The following SSBP3 variants were observed in gnomAD, a reference collection of about 807,000 sequenced individuals.
The protein encoded by SSBP3 is single-stranded DNA-binding protein 3.
A neutral mutation model predicts 69.6 loss-of-function variants in SSBP3; 5 were observed. The observed-to-expected ratio is 0.07, with a 90% confidence interval of 0.04 to 0.15. The LOEUF (loss-of-function observed/expected upper bound fraction) is 0.15. SSBP3 is among the 10% of genes least tolerant of loss of function. The pLI is 1.00. For missense variants in SSBP3, 312 were observed against 534.0 expected (o/e 0.58, Z 4.10); for synonymous variants, 196 against 193.4 (o/e 1.01, Z -0.11).
At chr1:54,402,296 G>C in intron 3 of SSBP3, among the ~76,000 whole-genome samples, 1 of 152,132 alleles carries the variant, frequency 6.6e-6, no homozygotes, top group East Asian at 1.9e-4. Context: ...CCTACTCATG[G>C]ATGCCCTAGG....
chr1:54,273,715 CAA>C (rs1645235417), intron 5 of SSBP3, among the ~76,000 whole-genome samples: 1 of 152,204 alleles, frequency 6.6e-6, no homozygotes, highest in African/African-American at 2.4e-5. Context: ...AAGCTAAGGC[CAA>C]GAGAGAGAAG....
At chr1:54,327,255 A>AGGAG (rs1646325171) in intron 4 of SSBP3, among the ~76,000 whole-genome samples, 1 of 151,636 alleles carries the variant, frequency 6.6e-6, no homozygotes, top group Non-Finnish European at 1.5e-5. Flanking sequence ...GAAGGAAGGA[A>AGGAG]GGAAGGAAGG....
intron 9 of SSBP3, among the ~76,000 whole-genome samples, chr1:54,245,954 T>G (rs868697623): frequency 1.1e-4 from 16 of 152,308 alleles, no homozygotes; most frequent in African/African-American, 3.8e-4. Context: ...CCACCCACTT[T>G]AGAGACCAGA....
intron 14 of SSBP3, among the ~76,000 whole-genome samples, chr1:54,232,970 G>A (rs1453174716): frequency 3.9e-5 from 6 of 152,160 alleles, no homozygotes; most frequent in Admixed American, 2.0e-4. Flanking sequence ...GCCTCCCAAA[G>A]TGCCGAGATT....
At chr1:54,323,370 A>G (rs544242295) in intron 4 of SSBP3, among the ~76,000 whole-genome samples, 6 of 152,208 alleles carry the variant, frequency 3.9e-5, no homozygotes, top group Non-Finnish European at 7.3e-5. Flanking sequence ...GGCCTCTCGA[A>G]TCCCAAGACC....
Position 54,333,495 on chromosome 1 carries a change from A to G in SSBP3, c.277-51968T>C, listed in dbSNP as rs537903420. Among the ~76,000 whole-genome samples, 11 of 152,348 alleles carry G rather than the reference A, an allele frequency of 7.2e-5. No individual in the cohort carries two copies. The South Asian group carries it at 2.3e-3, about 32-fold the overall frequency. Reference sequence around the variant, plus strand: ...TGGTAATTAAAAACTTCAACAGGCCAGGCATGGTGGCCCACGCCTGTAAAT... The same window carrying G: ...TGGTAATTAAAAACTTCAACAGGCCGGGCATGGTGGCCCACGCCTGTAAAT... On this transcript the variant is annotated intron_variant, in intron 4 of 17. Transcript: ENST00000610401.
Position 54,258,799 on chromosome 1 carries a change from C to T in SSBP3, c.367-650G>A, listed in dbSNP as rs920251111. On this transcript the variant is annotated intron_variant, in intron 5 of 17. Transcript: ENST00000610401. This position sits in a 1 kb window ranked among gnomAD's most constrained non-coding sequence, Gnocchi z 4.5. ...GAGGGGACAGTGAGTGAGGGCCACACGGTGTGGGCAGCACAGACTCGCACA... is the reference window on the plus strand; with the variant it reads ...GAGGGGACAGTGAGTGAGGGCCACATGGTGTGGGCAGCACAGACTCGCACA... Among the ~76,000 whole-genome samples, 3 of 152,174 alleles carry T rather than the reference C, an allele frequency of 2.0e-5. No homozygotes were observed. The highest frequency in any genetic ancestry group is 2.4e-5 in the African/African-American group (1 of 41,442).
chr1:54,282,834 ATCTCC>A (rs1645421777), intron 4 of SSBP3, among the ~76,000 whole-genome samples: 1 of 152,182 alleles, frequency 6.6e-6, no homozygotes, highest in Non-Finnish European at 1.5e-5. Context: ...GTCATCAATC[ATCTCC>A]CAGGGTTCTG....
chr1:54,294,751 T>C (rs1313230738), intron 4 of SSBP3, among the ~76,000 whole-genome samples: 1 of 152,122 alleles, frequency 6.6e-6, no homozygotes, highest in Non-Finnish European at 1.5e-5. Context: ...CAGGTTGGAT[T>C]CCCTGGCCTC....
At chr1:54,344,087 C>G (rs962573788) in intron 4 of SSBP3, among the ~76,000 whole-genome samples, 1 of 152,088 alleles carries the variant, frequency 6.6e-6, no homozygotes, top group Non-Finnish European at 1.5e-5. Flanking sequence ...AAGAGGTGCC[C>G]CTGATTAGAC....
chr1:54,239,073 G>A (rs1276992454), intron 14 of SSBP3, 56 bp downstream of exon 14: 3 of 1,442,426 alleles, frequency 2.1e-6, no homozygotes, highest in South Asian at 1.2e-5. Context: ...AGCTGATGAA[G>A]TTAATTATGA....
At chr1:54,334,966 T>C (rs1448258844) in intron 4 of SSBP3, among the ~76,000 whole-genome samples, 1 of 152,158 alleles carries the variant, frequency 6.6e-6, no homozygotes, top group Non-Finnish European at 1.5e-5. Flanking sequence ...GAAATGGGAA[T>C]AGGAGGCTGA....
chr1:54,242,335 G>C (rs555017264), intron 10 of SSBP3, 123 bp from the exon 11 acceptor site: 5 of 1,111,284 alleles, frequency 4.5e-6, no homozygotes, highest in Non-Finnish European at 6.6e-6. Context: ...ACAGCCCTGC[G>C]GTTTAGAGCC....
chr1:54,303,964 A>C (rs1425742531), intron 4 of SSBP3, among the ~76,000 whole-genome samples: 3 of 152,232 alleles, frequency 2.0e-5, no homozygotes, highest in South Asian at 2.1e-4. Flanking sequence ...TCTACCAGAC[A>C]GCGCTGCTCC....
At chr1:54,361,212 T>C (rs565964547) in intron 4 of SSBP3, among the ~76,000 whole-genome samples, 2 of 152,310 alleles carry the variant, frequency 1.3e-5, no homozygotes, top group African/African-American at 4.8e-5. Flanking sequence ...CAATTACTTC[T>C]ACCCTAGAAG....
exon 1 of SSBP3, chr1:54,406,107 C>T: frequency 1.0e-6 from 1 of 992,634 alleles, no homozygotes; most frequent in Non-Finnish European, 1.4e-6. Context: ...GGCCCCCTCC[C>T]CGGCGCTCGC....
intron 5 of SSBP3, among the ~76,000 whole-genome samples, chr1:54,277,848 A>G (rs2100857415): frequency 6.6e-6 from 1 of 152,234 alleles, no homozygotes; most frequent in Non-Finnish European, 1.5e-5. Context: ...AGGGGGAACT[A>G]GGGAACCCAC....
chr1:54,291,482 C>G (rs1436671223), intron 4 of SSBP3, among the ~76,000 whole-genome samples: 3 of 107,620 alleles, frequency 2.8e-5, no homozygotes, highest in Non-Finnish European at 6.8e-5. Flanking sequence ...CCCCAGCGCA[C>G]AGTTGCCACA....
At chr1:54,364,319 A>G (rs924726943) in intron 4 of SSBP3, among the ~76,000 whole-genome samples, 1 of 152,212 alleles carries the variant, frequency 6.6e-6, no homozygotes. Context: ...AGTGTCAAGT[A>G]CATTCCATCA....
Sources: gnomAD v4.1 joint callset for allele counts (sites outside exome capture counted in the v4.1 genomes callset) on GRCh38, gnomAD v4.1.1 for gene constraint, Gnocchi (gnomAD v3.1) non-coding constraint, MANE v1.5 for transcripts, NCBI Gene and HGNC (gene_info 2026-07-23, HGNC 2026-07-21) for gene names.